The following WDR7 variants were observed in gnomAD, a reference collection of about 807,000 sequenced individuals.
The protein encoded by WDR7 is WD repeat domain 7.
A neutral mutation model predicts 169.4 loss-of-function variants in WDR7; 46 were observed. The observed-to-expected ratio is 0.27, with a 90% CI of 0.21 to 0.35. The LOEUF (loss-of-function observed/expected upper bound fraction) is 0.35. Ranked by LOEUF, WDR7 falls within the 10% of genes least tolerant of loss-of-function variation. The pLI is 1.00. For missense variants in WDR7, 1,534 were observed against 1,859.3 expected (o/e 0.83, Z 3.22); for synonymous variants, 612 against 666.8 (o/e 0.92, Z 1.27).
chr18:56,742,959 C>T (rs534344787), intron 14 of WDR7, among the ~76,000 whole-genome samples: 3 of 151,966 alleles, frequency 2.0e-5, no homozygotes, highest in Admixed American at 6.6e-5. Context: ...AAATTAGCTT[C>T]GTAACCCTAC....
chr18:56,730,018 AT>A (rs2026547525), intron 13 of WDR7, among the ~76,000 whole-genome samples: 1 of 152,070 alleles, frequency 6.6e-6, no homozygotes, highest in South Asian at 2.1e-4. Flanking sequence ...TTTAAACATT[AT>A]TTTGTTGGCT....
At chr18:56,714,635 A>G (rs2026153066) in intron 12 of WDR7, among the ~76,000 whole-genome samples, 1 of 151,766 alleles carries the variant, frequency 6.6e-6, no homozygotes, top group African/African-American at 2.4e-5. Flanking sequence ...GCTGGTCTTG[A>G]ACTTTTGACC....
intron 26 of WDR7, among the ~76,000 whole-genome samples, chr18:57,000,622 G>A (rs1169071345): frequency 1.3e-5 from 2 of 152,128 alleles, no homozygotes; most frequent in African/African-American, 2.4e-5. Context: ...CTACTCACAA[G>A]CCTTCAGAGA....
intron 19 of WDR7, among the ~76,000 whole-genome samples, chr18:56,794,224 G>A (rs571416736): frequency 1.2e-4 from 17 of 147,684 alleles, no homozygotes; most frequent in Non-Finnish European, 2.4e-4. Flanking sequence ...TTCATCTTTT[G>A]CCCCACATTA....
At chr18:56,979,526 A>G (rs944523322) in intron 26 of WDR7, among the ~76,000 whole-genome samples, 2 of 152,194 alleles carry the variant, frequency 1.3e-5, no homozygotes, top group Non-Finnish European at 2.9e-5. Context: ...GAAGTCACCA[A>G]TATCTTGTTA....
At chr18:56,882,241 G>C (rs1255304524) in intron 21 of WDR7, among the ~76,000 whole-genome samples, 2 of 152,170 alleles carry the variant, frequency 1.3e-5, no homozygotes, top group East Asian at 3.8e-4. Context: ...GACAGCCCAG[G>C]ACTTAACATA....
chr18:57,015,339 C>T (rs961766021), intron 26 of WDR7, among the ~76,000 whole-genome samples: 1 of 152,206 alleles, frequency 6.6e-6, no homozygotes, highest in Non-Finnish European at 1.5e-5. Context: ...GCGTTATTAT[C>T]TGCCTAAATT....
At chr18:56,950,594 C>T (rs1423170574) in intron 25 of WDR7, among the ~76,000 whole-genome samples, 2 of 152,126 alleles carry the variant, frequency 1.3e-5, no homozygotes, top group Non-Finnish European at 2.9e-5. Flanking sequence ...TTTCTTAAAA[C>T]TCGTTATTTT....
chr18:56,955,752 G>A (rs2047242157), intron 25 of WDR7, among the ~76,000 whole-genome samples: 1 of 151,922 alleles, frequency 6.6e-6, no homozygotes, highest in African/African-American at 2.4e-5. Flanking sequence ...ACTGTTTTAG[G>A]TACTTCTGTT....
At chr18:56,811,455 T>A (rs2044868006) in intron 19 of WDR7, among the ~76,000 whole-genome samples, 1 of 152,156 alleles carries the variant, frequency 6.6e-6, no homozygotes, top group Non-Finnish European at 1.5e-5. Flanking sequence ...TCTTTTCATC[T>A]TCTTAATAGG....
chr18:56,786,887 A>G (rs570458140), intron 19 of WDR7, among the ~76,000 whole-genome samples: 2 of 151,704 alleles, frequency 1.3e-5, no homozygotes, highest in East Asian at 4.0e-4. Context: ...TATTGTTACT[A>G]TTAGGTTGGT....
At chr18:56,940,691 T>C (rs928436891) in intron 25 of WDR7, among the ~76,000 whole-genome samples, 1 of 152,244 alleles carries the variant, frequency 6.6e-6, no homozygotes, top group African/African-American at 2.4e-5. Flanking sequence ...AATGTACTTT[T>C]GCCTGTCACT....
At chr18:56,784,336 G>A (rs755371457) in intron 19 of WDR7, among the ~76,000 whole-genome samples, 13 of 152,162 alleles carry the variant, frequency 8.5e-5, no homozygotes, top group Non-Finnish European at 1.3e-4. Flanking sequence ...GTGGTAAAGT[G>A]TGAGATTTTA....
intron 25 of WDR7, among the ~76,000 whole-genome samples, chr18:56,952,152 C>T (rs1338596748): frequency 6.6e-6 from 1 of 152,212 alleles, no homozygotes; most frequent in Admixed American, 6.5e-5. Context: ...ATCCTGGTGT[C>T]AGTGTGGACA....
chr18:56,907,995 G>T (rs1250580793), intron 21 of WDR7, among the ~76,000 whole-genome samples: 1 of 152,142 alleles, frequency 6.6e-6, no homozygotes, highest in African/African-American at 2.4e-5. Flanking sequence ...ACATCTGTTT[G>T]TCATTGAGGG....
intron 19 of WDR7, among the ~76,000 whole-genome samples, chr18:56,789,189 C>T (rs73434873): frequency 0.02 from 3,005 of 152,262 alleles, 96 homozygotes; most frequent in African/African-American, 0.067. Flanking sequence ...AAGGGAAATT[C>T]GTTCCATGTG....
At chr18:56,680,425 AAAAGAAGC>A (rs1191760987) in intron 3 of WDR7, among the ~76,000 whole-genome samples, 10 of 152,214 alleles carry the variant, frequency 6.6e-5, no homozygotes, top group Non-Finnish European at 1.3e-4. Context: ...CACTGGAACA[AAAAGAAGC>A]AACATAAGCT....
rs2045866063 is a variant in WDR7 at position 56,865,213 on chromosome 18, G to A, written c.3305-14731G>A. ...GTTAAGCTTTTTAGGAAGAGTGAAT[G>A]ATGGCTAATGATTATTTAATGACAT... On this transcript the variant is annotated intron_variant, in intron 20 of 27. Coordinates refer to ENST00000254442, the MANE Select transcript of WDR7 (RefSeq NM_015285.3). Among the ~76,000 whole-genome samples, 3 of 152,002 alleles carry A rather than the reference G, an allele frequency of 2.0e-5. No individual in the cohort carries two copies. In the South Asian group the frequency reaches 6.2e-4, roughly 32 times the overall value.
chr18:56,654,849 T>C (rs2024733132), intron 1 of WDR7, among the ~76,000 whole-genome samples: 1 of 152,240 alleles, frequency 6.6e-6, no homozygotes, highest in Admixed American at 6.5e-5. Context: ...TTTTTATGTG[T>C]CACAAGTTTG....
Sources: allele counts gnomAD v4.1 joint callset (sites outside exome capture counted in the v4.1 genomes callset), GRCh38; gene constraint gnomAD v4.1.1; transcripts MANE v1.5; gene names NCBI Gene and HGNC (gene_info 2026-07-23, HGNC 2026-07-21).